PTPRG: variants seen among roughly 807,000 people sequenced by gnomAD.
The protein encoded by PTPRG is receptor-type tyrosine-protein phosphatase gamma.
A neutral mutation model predicts 165.3 loss-of-function variants in PTPRG; 102 were observed. The ratio of observed to expected loss-of-function variants is 0.62; its 90% CI spans 0.53 to 0.73. The LOEUF (loss-of-function observed/expected upper bound fraction) is 0.73. PTPRG is among the 30% of genes least tolerant of loss of function. PTPRG has a pLI of 0.00. For synonymous variants in PTPRG, 675 were observed against 669.5 expected, an observed-to-expected ratio of 1.01 and a Z score of -0.13; for missense variants, 1,866 against 1,861.4, an observed-to-expected ratio of 1.00 and a Z score of -0.05.
intron 1 of PTPRG, among the ~76,000 whole-genome samples, chr3:61,740,626 G>A (rs1308628475): frequency 6.6e-6 from 1 of 151,776 alleles, no homozygotes; most frequent in Non-Finnish European, 1.5e-5. Context: ...TTCTCTGCCT[G>A]GCTTATAGCT....
intron 2 of PTPRG, among the ~76,000 whole-genome samples, chr3:61,980,629 C>G (rs1272774339): frequency 1.3e-5 from 2 of 152,126 alleles, no homozygotes; most frequent in East Asian, 1.9e-4. Flanking sequence ...TCTTCTTAAA[C>G]CACCATTTTG....
At chr3:61,711,733 A>G (rs1333230685) in intron 1 of PTPRG, among the ~76,000 whole-genome samples, 3 of 152,158 alleles carry the variant, frequency 2.0e-5, no homozygotes, top group Admixed American at 2.0e-4. Context: ...AACTTAAACA[A>G]ATTTACAAGT....
chr3:62,002,440 C>G (rs543518919), intron 3 of PTPRG, among the ~76,000 whole-genome samples: 1 of 152,032 alleles, frequency 6.6e-6, no homozygotes, highest in Non-Finnish European at 1.5e-5. Flanking sequence ...TGAATGAATC[C>G]ACTTCTAGAG....
intron 2 of PTPRG, among the ~76,000 whole-genome samples, chr3:61,951,622 C>T (rs372228551): frequency 6.6e-6 from 1 of 152,226 alleles, no homozygotes; most frequent in Admixed American, 6.5e-5. Context: ...GTATTTCCAG[C>T]GCTTGTTTCC....
chr3:62,124,019 A>C (rs976788595), intron 5 of PTPRG, among the ~76,000 whole-genome samples: 1 of 152,192 alleles, frequency 6.6e-6, no homozygotes, highest in African/African-American at 2.4e-5. Context: ...TCACAGTCCA[A>C]GTGAGAGAAC....
chr3:61,784,186 A>G (rs2034626340), intron 2 of PTPRG, among the ~76,000 whole-genome samples: 1 of 152,112 alleles, frequency 6.6e-6, no homozygotes, highest in Non-Finnish European at 1.5e-5. Context: ...ATAATTGGTG[A>G]TGTCAGCGGG....
intron 1 of PTPRG, among the ~76,000 whole-genome samples, chr3:61,702,443 T>A (rs949713399): frequency 2.0e-5 from 3 of 152,234 alleles, no homozygotes; most frequent in African/African-American, 4.8e-5. Context: ...TGTAAGTCCC[T>A]CTTAGGGAGA....
intron 2 of PTPRG, among the ~76,000 whole-genome samples, chr3:61,983,615 C>T (rs890058325): frequency 6.6e-6 from 1 of 152,034 alleles, no homozygotes; most frequent in Non-Finnish European, 1.5e-5. Context: ...TTATTTTCAG[C>T]AAAGAACCTC....
chr3:61,679,321 T>G (rs560228354), intron 1 of PTPRG, among the ~76,000 whole-genome samples: 1 of 152,334 alleles, frequency 6.6e-6, no homozygotes, highest in African/African-American at 2.4e-5. Flanking sequence ...ACAGAATGCA[T>G]GCTAGGGTTT....
chr3:61,746,920 A>G lies in PTPRG; in HGVS notation c.86-1958A>G, dbSNP rs1021039430. Reference sequence around the variant, plus strand: ...GCCATCCCAACACTTTGGGAGGACCAGGTGAGAAGATTGCATGAGCCCAGG... The same window carrying G: ...GCCATCCCAACACTTTGGGAGGACCGGGTGAGAAGATTGCATGAGCCCAGG... On this transcript the variant is annotated intron_variant, in intron 1 of 29. Transcript: ENST00000474889. 4.6e-5 allele frequency among the ~76,000 whole-genome samples: 7 copies of G among 152,202 alleles called. No individual in the cohort carries two copies. In the East Asian group the frequency reaches 1.2e-3, roughly 25 times the overall value.
At chr3:62,005,908 C>T (rs1019549302) in intron 4 of PTPRG, among the ~76,000 whole-genome samples, 3 of 151,640 alleles carry the variant, frequency 2.0e-5, no homozygotes, top group African/African-American at 7.3e-5. Context: ...TTACCATGTT[C>T]GCCAGGCTGG....
At chr3:62,101,453 G>C (rs1394006138) in intron 5 of PTPRG, among the ~76,000 whole-genome samples, 1 of 152,182 alleles carries the variant, frequency 6.6e-6, no homozygotes, top group Non-Finnish European at 1.5e-5. Flanking sequence ...TTAACTTTAT[G>C]ATAATATTAT....
chr3:61,800,445 C>T (rs893985190), intron 2 of PTPRG, among the ~76,000 whole-genome samples: 3 of 151,930 alleles, frequency 2.0e-5, no homozygotes, highest in South Asian at 2.1e-4. Context: ...GGAGGCTTCT[C>T]GGTGCCTTGG....
chr3:61,626,246 C>CT (rs2106915323), intron 1 of PTPRG, among the ~76,000 whole-genome samples: 1 of 152,260 alleles, frequency 6.6e-6, no homozygotes, highest in African/African-American at 2.4e-5. Context: ...ATTCTAGTCT[C>CT]TAATTGTCCA....
chr3:61,992,663 G>C (rs1413445084), intron 3 of PTPRG, among the ~76,000 whole-genome samples: 1 of 152,144 alleles, frequency 6.6e-6, no homozygotes, highest in Non-Finnish European at 1.5e-5. Context: ...GGGAATACAG[G>C]AGTGCGCGCC....
intron 4 of PTPRG, among the ~76,000 whole-genome samples, chr3:62,029,031 C>T (rs1221368906): frequency 6.6e-6 from 1 of 152,152 alleles, no homozygotes; most frequent in Admixed American, 6.5e-5. Context: ...CCATGGAATG[C>T]ACAACATACA....
chr3:61,573,578 C>T lies in PTPRG; in HGVS notation c.85+11206C>T, dbSNP rs542495242. Among the ~76,000 whole-genome samples, 131 of 152,286 alleles carry T rather than the reference C, an allele frequency of 8.6e-4. 1 individual carries two copies. Among genetic ancestry groups the T allele is most frequent in the African/African-American group, 3.0e-3 (123 of 41,558 alleles). ...TAAGTGGTCACCGTGATACGCAATA[C>T]ATTTACATGAATTCCCCACATGTGA... is the stretch of plus-strand genomic sequence containing the variant. On this transcript the variant is annotated intron_variant, in intron 1 of 29. Coordinates refer to ENST00000474889, the MANE Select transcript of PTPRG (RefSeq NM_002841.4).
chr3:61,950,393 G>A (rs2039871077), intron 2 of PTPRG, among the ~76,000 whole-genome samples: 1 of 152,154 alleles, frequency 6.6e-6, no homozygotes. Flanking sequence ...TGTGGAAGTT[G>A]TATCTTATGT....
At chr3:62,132,535 A>G in intron 5 of PTPRG, 67 bp from the exon 6 acceptor site, 2 of 1,281,050 alleles carry the variant, frequency 1.6e-6, no homozygotes, top group East Asian at 2.3e-5. Flanking sequence ...TCTTTAGAAG[A>G]TTAAACTGAG....
Sources: allele counts gnomAD v4.1 joint callset (sites outside exome capture counted in the v4.1 genomes callset), GRCh38; gene constraint gnomAD v4.1.1; transcripts MANE v1.5; gene names NCBI Gene and HGNC (gene_info 2026-07-23, HGNC 2026-07-21).